CSMD1: variants seen among roughly 807,000 people sequenced by gnomAD.
CSMD1 encodes CUB and sushi domain-containing protein 1.
CSMD1 carries 213 observed loss-of-function variants against 417.5 expected under a neutral mutation model. The ratio of observed to expected loss-of-function variants is 0.51; its 90% CI spans 0.46 to 0.57. The LOEUF (loss-of-function observed/expected upper bound fraction) is 0.57, where lower values mean the gene tolerates loss of function less well. Ranked by LOEUF, CSMD1 falls within the 20% of genes least tolerant of loss-of-function variation. The pLI, the probability that CSMD1 is intolerant of heterozygous loss-of-function variation, is 0.00. For missense variants in CSMD1, 6,923 were observed against 4,529.7 expected (o/e 1.53, Z -15.17); for synonymous variants, 2,862 against 1,736.8 (o/e 1.65, Z -16.11).
intron 1 of CSMD1, among the ~76,000 whole-genome samples, chr8:4,833,835 G>A (rs1301110412): frequency 6.6e-6 from 1 of 152,210 alleles, no homozygotes; most frequent in Non-Finnish European, 1.5e-5. Flanking sequence ...TCAATTGCAA[G>A]TTGGCTACGT....
rs907742826 is a variant in CSMD1 at position 3,793,762 on chromosome 8, G to A, written c.819-39720C>T. ...TCGTAGGATCTCTCTGGAACTGGTA[G>A]GAACTTGACGACAGAGACCTTGCCT... On this transcript the variant is annotated intron_variant, in intron 5 of 69. Transcript: ENST00000635120. Among the ~76,000 whole-genome samples, 5 of 152,112 alleles carry A rather than the reference G, an allele frequency of 3.3e-5. No individual in the cohort carries two copies. The South Asian group carries it at 8.3e-4, about 25-fold the overall frequency.
At chr8:3,568,272 A>G (rs1411391240) in intron 10 of CSMD1, among the ~76,000 whole-genome samples, 2 of 152,198 alleles carry the variant, frequency 1.3e-5, no homozygotes, top group African/African-American at 4.8e-5. Context: ...TTTACTCATC[A>G]GAACACCTGT....
At position 3,239,375 on chromosome 8, in the gene CSMD1, ATT is replaced by A. The variant is rs1491062343; in HGVS notation, c.4154-9146_4154-9145del. The stretch of plus-strand genomic sequence containing the variant: ...AGAAATGACAAGGCTAAACTGAAGA[ATT>A]ATGTCTGACAGAAGGGAAGAAATGA... On this transcript the variant is annotated intron_variant, in intron 26 of 69. Transcript: ENST00000635120. Among the ~76,000 whole-genome samples the A allele has an allele frequency of 2.8e-5, 4 of 144,156 alleles. No homozygotes were observed. The East Asian group carries it at 6.1e-4, about 22-fold the overall frequency. 94.6% of individuals were successfully genotyped at this position (144,156 alleles called of 152,430 possible).
intron 12 of CSMD1, among the ~76,000 whole-genome samples, chr8:3,453,254 C>T (rs1423953463): frequency 3.3e-5 from 5 of 151,876 alleles, no homozygotes; most frequent in Non-Finnish European, 7.4e-5. Flanking sequence ...TTGATCTTTT[C>T]AAAAAACCAG....
chr8:4,246,723 A>C (rs943335431), intron 3 of CSMD1, among the ~76,000 whole-genome samples: 1 of 152,144 alleles, frequency 6.6e-6, no homozygotes, highest in African/African-American at 2.4e-5. Context: ...TTATCATTGG[A>C]ATAATGATTG....
chr8:4,373,334 G>C (rs1047058367), intron 3 of CSMD1, among the ~76,000 whole-genome samples: 2 of 152,164 alleles, frequency 1.3e-5, no homozygotes, highest in African/African-American at 2.4e-5. Flanking sequence ...ATGCGACATA[G>C]GATTTTTAGT....
chr8:3,894,783 T>G (rs980355507), intron 5 of CSMD1, among the ~76,000 whole-genome samples: 1 of 152,300 alleles, frequency 6.6e-6, no homozygotes, highest in East Asian at 1.9e-4. Flanking sequence ...TAGAAGTGCA[T>G]AGGGCTGTTA....
intron 1 of CSMD1, among the ~76,000 whole-genome samples, chr8:4,888,616 C>T (rs557953240): frequency 2.2e-4 from 33 of 151,986 alleles, no homozygotes; most frequent in African/African-American, 7.7e-4. Context: ...CATCCCAACA[C>T]CAAAAAGCAA....
chr8:3,605,579 A>C (rs1584950831), intron 8 of CSMD1, among the ~76,000 whole-genome samples: 1 of 152,128 alleles, frequency 6.6e-6, no homozygotes, highest in Non-Finnish European at 1.5e-5. Flanking sequence ...TTATTATGTA[A>C]TTTTTTTCCT....
At chr8:3,645,601 C>T (rs549106198) in intron 7 of CSMD1, among the ~76,000 whole-genome samples, 2 of 152,156 alleles carry the variant, frequency 1.3e-5, no homozygotes, top group African/African-American at 4.8e-5. Context: ...AGTCAGCCTT[C>T]TGCAAGGGAT....
intron 7 of CSMD1, among the ~76,000 whole-genome samples, chr8:3,681,011 AT>A (rs1211650725): frequency 3.3e-5 from 5 of 152,234 alleles, no homozygotes. Flanking sequence ...AAAACTCTCA[AT>A]AAATTAGGTA....
chr8:3,194,272 A>G (rs886778694), intron 33 of CSMD1, among the ~76,000 whole-genome samples: 18 of 152,190 alleles, frequency 1.2e-4, no homozygotes, highest in Non-Finnish European at 1.5e-4. Context: ...GGGAAAATCA[A>G]TCAAAACATG....
chr8:4,545,325 AGCCC>A (rs1563273884), intron 2 of CSMD1, among the ~76,000 whole-genome samples: 1 of 152,208 alleles, frequency 6.6e-6, no homozygotes, highest in African/African-American at 2.4e-5. Context: ...ACACCAGAAA[AGCCC>A]TTCATAAATA....
chr8:4,612,219 C>A (rs1428547656), intron 2 of CSMD1, among the ~76,000 whole-genome samples: 2 of 152,138 alleles, frequency 1.3e-5, no homozygotes, highest in Non-Finnish European at 2.9e-5. Flanking sequence ...CCTTCATCAC[C>A]TTTGTTTTCA....
intron 1 of CSMD1, among the ~76,000 whole-genome samples, chr8:4,844,620 G>A (rs116617738): frequency 0.012 from 1,766 of 152,182 alleles, 30 homozygotes; most frequent in African/African-American, 0.041. Context: ...TTTAATAAGC[G>A]TCTTTTCTAA....
At chr8:4,593,602 G>A (rs1004633275) in intron 2 of CSMD1, among the ~76,000 whole-genome samples, 1 of 152,054 alleles carries the variant, frequency 6.6e-6, no homozygotes, top group Non-Finnish European at 1.5e-5. Context: ...AATAACAAAT[G>A]ACAGAAATAT....
chr8:3,976,821 GTGACCTCAACCACTGCAC>G (rs1332387716), intron 5 of CSMD1, among the ~76,000 whole-genome samples: 36 of 152,312 alleles, frequency 2.4e-4, no homozygotes, highest in African/African-American at 7.2e-4. Context: ...AATAGCATCT[GTGACCTCAACCACTGCAC>G]TGACCTCAAC....
intron 3 of CSMD1, among the ~76,000 whole-genome samples, chr8:4,175,950 G>A (rs1350636023): frequency 6.6e-5 from 10 of 152,090 alleles, no homozygotes; most frequent in South Asian, 2.1e-4. Flanking sequence ...CGACATTGGT[G>A]GCATGGGGCA....
chr8:3,327,358 C>T (rs975548070), intron 23 of CSMD1, among the ~76,000 whole-genome samples: 5 of 152,214 alleles, frequency 3.3e-5, no homozygotes, highest in African/African-American at 1.2e-4. Context: ...TGGTCTCGAT[C>T]TCGTGACCTT....
Sources: gnomAD v4.1 joint callset for allele counts (sites outside exome capture counted in the v4.1 genomes callset) on GRCh38, gnomAD v4.1.1 for gene constraint, MANE v1.5 for transcripts, NCBI Gene and HGNC (gene_info 2026-07-23, HGNC 2026-07-21) for gene names.